Variants in DYM observed in about 807,000 individuals in gnomAD.
DYM encodes dymeclin.
Under a neutral mutation model 93.1 loss-of-function variants are expected in DYM, and 78 were observed. The observed-to-expected ratio is 0.84, with a 90% CI of 0.70 to 1.01. DYM has a LOEUF of 1.01. Ranked by LOEUF, DYM falls within the 50% of genes least tolerant of loss-of-function variation. DYM has a pLI of 0.00. For missense variants in DYM, 789 were observed against 845.0 expected (o/e 0.93, Z 0.82); for synonymous variants, 321 against 319.7 (o/e 1.00, Z -0.04).
At chr18:49,047,361 T>C (rs931561110) in intron 17 of DYM, among the ~76,000 whole-genome samples, 4 of 152,246 alleles carry the variant, frequency 2.6e-5, no homozygotes, top group Non-Finnish European at 4.4e-5. Context: ...TGTCTGCTGA[T>C]GATGTTGCTC....
intron 15 of DYM, among the ~76,000 whole-genome samples, chr18:49,124,129 C>A (rs1035006514): frequency 6.6e-6 from 1 of 152,214 alleles, no homozygotes; most frequent in African/African-American, 2.4e-5. Flanking sequence ...ATACACCCAA[C>A]TCCTAACTAG....
chr18:49,390,116 T>C (rs1700039108), intron 3 of DYM, among the ~76,000 whole-genome samples: 1 of 152,172 alleles, frequency 6.6e-6, no homozygotes. Context: ...ACATAGTTTG[T>C]TTTTAAAAAC....
intron 3 of DYM, 117 bp from the exon 4 acceptor site, chr18:49,379,875 C>T: frequency 1.3e-6 from 1 of 777,344 alleles, no homozygotes; most frequent in Non-Finnish European, 2.2e-6. Context: ...ACCAACTTTA[C>T]TGTTAATTTC....
intron 2 of DYM, among the ~76,000 whole-genome samples, chr18:49,407,577 A>T (rs2071652638): frequency 2.6e-5 from 4 of 152,310 alleles, no homozygotes; most frequent in Non-Finnish European, 2.9e-5. Flanking sequence ...ACACTCTTTT[A>T]AACAACTAGA....
intron 14 of DYM, chr18:49,205,912 C>T (rs373398504): frequency 1.8e-5 from 3 of 164,840 alleles, no homozygotes; most frequent in South Asian, 2.0e-4. Flanking sequence ...TGCTGTGAAA[C>T]GAATTCTTAC....
chr18:49,420,035 T>A (rs1457527868), intron 2 of DYM, among the ~76,000 whole-genome samples: 1 of 152,202 alleles, frequency 6.6e-6, no homozygotes, highest in Non-Finnish European at 1.5e-5. Context: ...ATCCCCAGTA[T>A]GACCTTTCTC....
At chr18:49,429,724 T>C (rs1247997499) in intron 2 of DYM, among the ~76,000 whole-genome samples, 1 of 152,184 alleles carries the variant, frequency 6.6e-6, no homozygotes, top group Non-Finnish European at 1.5e-5. Context: ...ACTAAAGATA[T>C]ATTGTGTGTA....
At chr18:49,379,584 C>G in intron 4 of DYM, 81 bp downstream of exon 4, 1 of 1,174,438 alleles carries the variant, frequency 8.5e-7, no homozygotes, top group South Asian at 1.3e-5. Flanking sequence ...CAAAAGACCA[C>G]AGTCCATTTC....
At chr18:49,424,840 T>C (rs1358325995) in intron 2 of DYM, among the ~76,000 whole-genome samples, 1 of 152,126 alleles carries the variant, frequency 6.6e-6, no homozygotes, top group African/African-American at 2.4e-5. Context: ...TTACAAGGGA[T>C]GTGAAAGACC....
intron 2 of DYM, chr18:49,393,796 T>C (rs1361163045): frequency 2.6e-5 from 4 of 151,640 alleles, no homozygotes; most frequent in Non-Finnish European, 4.4e-5. Flanking sequence ...TAAAAATAAA[T>C]AAATAAAAAT....
At chr18:49,449,820 G>T (rs1400016166) in intron 1 of DYM, among the ~76,000 whole-genome samples, 2 of 152,172 alleles carry the variant, frequency 1.3e-5, no homozygotes, top group African/African-American at 4.8e-5. Context: ...GGTACCTTAG[G>T]TTAGGATGCA....
At chr18:49,058,715 A>G (rs906700011) in intron 17 of DYM, among the ~76,000 whole-genome samples, 1 of 152,230 alleles carries the variant, frequency 6.6e-6, no homozygotes, top group Non-Finnish European at 1.5e-5. Flanking sequence ...AAAATTAAAC[A>G]ACATTGAGAG....
chr18:49,281,045 T>C (rs1322341076), intron 10 of DYM, among the ~76,000 whole-genome samples: 1 of 152,114 alleles, frequency 6.6e-6, no homozygotes, highest in Non-Finnish European at 1.5e-5. Flanking sequence ...ATTTTTGCAA[T>C]CTACTCATCT....
rs561365650 is a variant in DYM, at chr18:49,246,142, A to T, written c.1460+10868T>A. ...GCTCGGAAAACTCACAATACTTGTG[A>T]TAGGGAGTTATCTACCTACCTTTTT... On this transcript the variant is annotated intron_variant, in intron 13 of 17. Coordinates refer to ENST00000675505, the MANE Select transcript of DYM (RefSeq NM_001353214.3). 2.0e-5 allele frequency among the ~76,000 whole-genome samples: 3 copies of T among 152,346 alleles called. No individual in the cohort carries two copies. In the South Asian group the frequency reaches 6.2e-4, roughly 32 times the overall value.
chr18:49,183,961 A>T (rs973259535), intron 14 of DYM, among the ~76,000 whole-genome samples: 2 of 152,212 alleles, frequency 1.3e-5, no homozygotes, highest in African/African-American at 4.8e-5. Flanking sequence ...AGCCATCTGC[A>T]GCCCAAGGGG....
At chr18:49,312,846 G>A (rs1233205548) in intron 8 of DYM, among the ~76,000 whole-genome samples, 1 of 152,124 alleles carries the variant, frequency 6.6e-6, no homozygotes, top group African/African-American at 2.4e-5. Context: ...AGAGCTAAAT[G>A]GAAGGTAGGT....
intron 13 of DYM, among the ~76,000 whole-genome samples, chr18:49,244,012 T>C (rs1033215011): frequency 2.0e-5 from 3 of 152,018 alleles, no homozygotes; most frequent in African/African-American, 7.3e-5. Flanking sequence ...AGATTTTTTT[T>C]TAAAAAAGTC....
intron 16 of DYM, among the ~76,000 whole-genome samples, chr18:49,101,706 C>T (rs1294617554): frequency 3.9e-5 from 6 of 151,972 alleles, no homozygotes; most frequent in African/African-American, 1.2e-4. Flanking sequence ...ATATATATTT[C>T]CTCATTGACT....
intron 6 of DYM, among the ~76,000 whole-genome samples, chr18:49,345,590 T>C (rs922821404): frequency 2.0e-5 from 3 of 151,950 alleles, no homozygotes; most frequent in Admixed American, 2.0e-4. Context: ...CTAGTACCTT[T>C]AAGGAACAAC....
Sources: gnomAD v4.1 joint callset for allele counts (sites outside exome capture counted in the v4.1 genomes callset) on GRCh38, gnomAD v4.1.1 for gene constraint, MANE v1.5 for transcripts, NCBI Gene and HGNC (gene_info 2026-07-23, HGNC 2026-07-21) for gene names.